The following GPR107 variants were observed in gnomAD, a reference collection of about 807,000 sequenced individuals.
GPR107 encodes protein GPR107.
A neutral mutation model predicts 75.5 loss-of-function variants in GPR107; 31 were observed. The observed-to-expected ratio is 0.41, with a 90% CI of 0.31 to 0.55. The LOEUF (loss-of-function observed/expected upper bound fraction) is 0.55. Among genes scored for constraint, GPR107 ranks in the 20% least tolerant of loss-of-function variants. The pLI, the probability that GPR107 is intolerant of heterozygous loss-of-function variation, is 0.26. For synonymous variants in GPR107, 267 were observed against 251.3 expected (o/e 1.06, Z -0.59); for missense variants, 572 against 665.7 (o/e 0.86, Z 1.55).
At chr9:130,061,969 A>C (rs1453525929) in intron 1 of GPR107, among the ~76,000 whole-genome samples, 4 of 151,978 alleles carry the variant, frequency 2.6e-5, no homozygotes, top group African/African-American at 9.7e-5. Flanking sequence ...TAGCCAAGGC[A>C]AAATGAGGTT....
rs1564690708 is a variant in GPR107, at chr9:130,137,147, T to G, written c.*2026T>G. The stretch of plus-strand genomic sequence containing the variant: ...AGATGTTGTGGATGAGGCGATAGAC[T>G]CCTTGGCAAGAACGAAAGGTGTGAT... On this transcript the variant is annotated 3_prime_UTR_variant, in exon 18 of 18. Transcript: ENST00000347136. 6.6e-6 allele frequency: 1 copy of G among 152,212 alleles called. No homozygotes were observed. The highest frequency in any genetic ancestry group is 1.5e-5 in the Non-Finnish European group (1 of 68,040). The allele number at this position is 152,212 out of a possible 1,614,324, so 9.4% of individuals were successfully genotyped here.
intron 14 of GPR107, chr9:130,108,905 C>G (rs930343788): frequency 2.7e-6 from 1 of 375,294 alleles, no homozygotes. Flanking sequence ...CATAGCCTTT[C>G]TTGGAGCCCA....
intron 3 of GPR107, among the ~76,000 whole-genome samples, chr9:130,077,080 G>A (rs554415737): frequency 6.6e-6 from 1 of 151,976 alleles, no homozygotes; most frequent in Admixed American, 6.6e-5. Context: ...TAGAGACGTG[G>A]TTTCACCATG....
intron 1 of GPR107, among the ~76,000 whole-genome samples, chr9:130,064,793 C>T (rs1168155856): frequency 6.6e-6 from 1 of 152,130 alleles, no homozygotes; most frequent in Non-Finnish European, 1.5e-5. Flanking sequence ...GAGGCACACA[C>T]AGAGGGAAGA....
chr9:130,129,134 T>C, intron 17 of GPR107: 1 of 189,336 alleles, frequency 5.3e-6, no homozygotes, highest in Non-Finnish European at 1.1e-5. Context: ...TGGAATCTTC[T>C]GAGTCATCTC....
In GPR107 at chr9:130,086,923, T is replaced by C. The variant is rs957572000; in HGVS notation, c.621+447T>C. 8.5e-5 allele frequency among the ~76,000 whole-genome samples: 13 copies of C among 152,304 alleles called. No individual in the cohort carries two copies. The East Asian group carries it at 1.5e-3, about 18-fold the overall frequency. ...GTGACCTGCTTAGCTGTCAGAGTTA[T>C]TAATTGCCCATGAGTGTTTAGGGGC... On this transcript the variant is annotated intron_variant, in intron 7 of 17. Coordinates refer to ENST00000347136, the MANE Select transcript of GPR107 (RefSeq NM_020960.5).
chr9:130,100,170 C>T (rs1830987810), intron 10 of GPR107, among the ~76,000 whole-genome samples: 1 of 152,120 alleles, frequency 6.6e-6, no homozygotes, highest in African/African-American at 2.4e-5. Flanking sequence ...GCTGGGATTA[C>T]AGGCATGAGC....
chr9:130,127,936 CA>C (rs940819051), intron 16 of GPR107, among the ~76,000 whole-genome samples: 3 of 152,198 alleles, frequency 2.0e-5, no homozygotes, highest in African/African-American at 7.2e-5. Context: ...CACCTGATCT[CA>C]AGTGATCCGC....
chr9:130,056,978 G>T (rs1311127957), intron 1 of GPR107, among the ~76,000 whole-genome samples: 1 of 141,256 alleles, frequency 7.1e-6, no homozygotes, highest in African/African-American at 2.6e-5. Context: ...GTGTTGGGCC[G>T]CATTCAAAGC....
intron 1 of GPR107, among the ~76,000 whole-genome samples, chr9:130,061,544 A>T (rs1402523746): frequency 2.6e-5 from 4 of 152,122 alleles, no homozygotes; most frequent in African/African-American, 7.2e-5. Context: ...CCATGGTAGG[A>T]TGTGTGGATT....
At chr9:130,056,939 A>AG (rs2132527251) in intron 1 of GPR107, among the ~76,000 whole-genome samples, 1 of 144,892 alleles carries the variant, frequency 6.9e-6, no homozygotes, top group African/African-American at 2.6e-5. Context: ...AAAAAAAAAA[A>AG]AAAAAAAAAA....
chr9:130,125,708 A>G (rs1198317597), intron 15 of GPR107, among the ~76,000 whole-genome samples: 2 of 148,200 alleles, frequency 1.3e-5, no homozygotes, highest in Non-Finnish European at 3.0e-5. Flanking sequence ...ATGGGATCAC[A>G]CTGTCATGTT....
intron 1 of GPR107, among the ~76,000 whole-genome samples, chr9:130,066,708 G>A (rs568185946): frequency 2.0e-4 from 31 of 152,180 alleles, no homozygotes; most frequent in Middle Eastern, 6.8e-3. Flanking sequence ...TTGCTTGGCC[G>A]GGCGCGGTGG....
chr9:130,088,104 G>A (rs1830656482), intron 7 of GPR107, among the ~76,000 whole-genome samples: 1 of 152,070 alleles, frequency 6.6e-6, no homozygotes, highest in Admixed American at 6.6e-5. Flanking sequence ...GTGCTCATTT[G>A]CTCAGAACCC....
At chr9:130,092,115 C>G (rs759381657) in intron 8 of GPR107, 133 bp from the exon 9 acceptor site, 78 of 697,586 alleles carry the variant, frequency 1.1e-4, no homozygotes, top group Non-Finnish European at 1.7e-4. Flanking sequence ...GCTGAGATTA[C>G]AGGTGTGAGC....
At chr9:130,092,183 C>T in intron 8 of GPR107, 65 bp from the exon 9 acceptor site, 1 of 1,406,928 alleles carries the variant, frequency 7.1e-7, no homozygotes, top group Non-Finnish European at 1.0e-6. Flanking sequence ...AACTGAGATT[C>T]CAAATTGCTG....
intron 5 of GPR107, among the ~76,000 whole-genome samples, chr9:130,082,256 A>G (rs1830509292): frequency 6.6e-6 from 1 of 152,112 alleles, no homozygotes; most frequent in South Asian, 2.1e-4. Context: ...CATCTAAACT[A>G]TGTCGTTCAG....
Position 130,101,227 on chromosome 9 carries a change from A to G in GPR107, c.1131+4A>G. The G allele has an allele frequency of 1.4e-5, 20 of 1,391,940 alleles. No homozygotes were observed. The highest frequency in any genetic ancestry group is 1.9e-5 in the Non-Finnish European group (19 of 976,890). The allele number at this position is 1,391,940 out of a possible 1,614,324, so 86.2% of individuals were successfully genotyped here. ...CATGATTGTCATTCCACTCCAGGTA[A>G]AAGAACCCTCATCCCATTTGTCACT... On this transcript the variant is annotated splice_donor_region_variant and intron_variant, in intron 12 of 17. Coordinates refer to ENST00000347136, the MANE Select transcript of GPR107 (RefSeq NM_020960.5).
Position 130,121,909 on chromosome 9 carries a change from G to T in GPR107, c.1307-3006G>T, listed in dbSNP as rs1421305306. 3.6e-5 allele frequency among the ~76,000 whole-genome samples: 5 copies of T among 140,066 alleles called. No homozygotes were observed. The East Asian group carries it at 7.9e-4, about 22-fold the overall frequency. 91.9% of individuals were successfully genotyped at this position (140,066 alleles called of 152,430 possible). ...TTTTATTTTATTTTCTTTTTTTTTTGAGGTGGAGTCTCGCTCTGTCACCCA... is the reference window on the plus strand; with the variant it reads ...TTTTATTTTATTTTCTTTTTTTTTTTAGGTGGAGTCTCGCTCTGTCACCCA... On this transcript the variant is annotated intron_variant, in intron 14 of 17. Transcript: ENST00000347136.
Sources: allele counts gnomAD v4.1 joint callset (sites outside exome capture counted in the v4.1 genomes callset), GRCh38; gene constraint gnomAD v4.1.1; transcripts MANE v1.5; gene names NCBI Gene and HGNC (gene_info 2026-07-23, HGNC 2026-07-21).